SRGAP1: variants seen among roughly 807,000 people sequenced by gnomAD.
SRGAP1 encodes SLIT-ROBO Rho GTPase activating protein 1, also known as SLIT-ROBO Rho GTPase-activating protein 1.
A neutral mutation model predicts 121.9 loss-of-function variants in SRGAP1; 43 were observed. That is an observed-to-expected ratio of 0.35 (90% CI 0.28 to 0.46). The LOEUF is 0.46. Ranked by LOEUF, SRGAP1 falls within the 20% of genes least tolerant of loss-of-function variation. SRGAP1 has a pLI of 1.00. For synonymous variants in SRGAP1, 447 were observed against 485.4 expected, an observed-to-expected ratio of 0.92 and a Z score of 1.04; for missense variants, 1,102 against 1,350.9, an observed-to-expected ratio of 0.82 and a Z score of 2.89.
At chr12:64,116,172 G>C (rs2036518038) in intron 18 of SRGAP1, among the ~76,000 whole-genome samples, 1 of 148,392 alleles carries the variant, frequency 6.7e-6, no homozygotes, top group African/African-American at 2.5e-5. Flanking sequence ...TGGGAGGATT[G>C]CATGAGCCCA....
intron 1 of SRGAP1, among the ~76,000 whole-genome samples, chr12:63,973,361 C>T (rs769948303): frequency 2.8e-4 from 42 of 152,100 alleles, no homozygotes; most frequent in Non-Finnish European, 5.6e-4. Flanking sequence ...AAGTTTGCAT[C>T]GTAGTCTCTG....
chr12:63,858,085 TTTC>T (rs1899315038), intron 1 of SRGAP1, among the ~76,000 whole-genome samples: 1 of 152,168 alleles, frequency 6.6e-6, no homozygotes, highest in Non-Finnish European at 1.5e-5. Context: ...TATTATGTTT[TTTC>T]TTCTTTACTC....
chr12:64,079,755 G>A (rs997514836), intron 9 of SRGAP1, among the ~76,000 whole-genome samples: 2 of 152,106 alleles, frequency 1.3e-5, no homozygotes, highest in South Asian at 2.1e-4. Context: ...GCTGGTGAAA[G>A]TGCCAGTTCT....
At chr12:64,075,670 C>G (rs1228174056) in intron 8 of SRGAP1, among the ~76,000 whole-genome samples, 1 of 152,140 alleles carries the variant, frequency 6.6e-6, no homozygotes, top group Non-Finnish European at 1.5e-5. Context: ...GATGGTGACT[C>G]TTTTAATTCA....
rs151128405 is a variant in SRGAP1 at position 63,900,192 on chromosome 12, C to A, written c.67+55309C>A. 8.5e-3 allele frequency among the ~76,000 whole-genome samples: 335 copies of A among 39,288 alleles called. 1 individual carries two copies. The highest frequency in any genetic ancestry group is 0.031 in the African/African-American group (325 of 10,558). 25.8% of individuals were successfully genotyped at this position (39,288 alleles called of 152,430 possible). On this transcript the variant is annotated intron_variant, in intron 1 of 21. Coordinates refer to ENST00000355086, the MANE Select transcript of SRGAP1 (RefSeq NM_020762.4). The stretch of plus-strand genomic sequence containing the variant: ...CGTTTGCCCTTGCTTTTTTCTTTTT[C>A]TTTTTCTTTTTCTTTTTTTTTTTTT...
chr12:63,945,982 A>AT (rs1270449000), intron 1 of SRGAP1, among the ~76,000 whole-genome samples: 42 of 149,882 alleles, frequency 2.8e-4, no homozygotes, highest in African/African-American at 9.9e-4. Context: ...ATACCTTCCT[A>AT]CCTGGTTCAC....
intron 21 of SRGAP1, among the ~76,000 whole-genome samples, chr12:64,138,855 A>G (rs1389194972): frequency 2.0e-5 from 3 of 152,192 alleles, no homozygotes; most frequent in African/African-American, 7.2e-5. Flanking sequence ...TAATTGAGTT[A>G]ACTCAAATTC....
At chr12:63,924,736 T>C (rs2031193307) in intron 1 of SRGAP1, among the ~76,000 whole-genome samples, 2 of 152,158 alleles carry the variant, frequency 1.3e-5, no homozygotes, top group South Asian at 4.1e-4. Context: ...GGGATCATTC[T>C]CTCAGGGGTT....
intron 1 of SRGAP1, among the ~76,000 whole-genome samples, chr12:63,935,755 C>G (rs1441429669): frequency 2.0e-5 from 3 of 152,174 alleles, no homozygotes; most frequent in Admixed American, 1.3e-4. Flanking sequence ...TCTTCCTAAT[C>G]CTCCAAAGAA....
intron 6 of SRGAP1, among the ~76,000 whole-genome samples, chr12:64,044,476 T>C (rs1420427649): frequency 1.3e-5 from 2 of 152,124 alleles, no homozygotes; most frequent in African/African-American, 4.8e-5. Context: ...TCAACAGTTT[T>C]ATTATAGAAT....
At chr12:63,881,220 C>G (rs1239330818) in intron 1 of SRGAP1, among the ~76,000 whole-genome samples, 2 of 152,146 alleles carry the variant, frequency 1.3e-5, no homozygotes, top group African/African-American at 4.8e-5. Context: ...TGGAATCTAT[C>G]AAAGTACTTG....
At chr12:64,118,322 T>G (rs1347429473) in intron 18 of SRGAP1, among the ~76,000 whole-genome samples, 1 of 152,160 alleles carries the variant, frequency 6.6e-6, no homozygotes, top group Non-Finnish European at 1.5e-5. Context: ...CAGGCTGGAG[T>G]GCAGTGGCAT....
chr12:63,941,676 G>GAAA lies in SRGAP1; in HGVS notation c.68-42258_68-42256dup, dbSNP rs543399375. 5.1e-5 allele frequency among the ~76,000 whole-genome samples: 6 copies of GAAA among 117,582 alleles called. No individual in the cohort carries two copies. In the East Asian group the frequency reaches 1.8e-3, roughly 35 times the overall value. 77.1% of individuals were successfully genotyped at this position (117,582 alleles called of 152,430 possible). A position where few individuals can be genotyped will look rare whatever the true frequency, so the allele number is the denominator to read the frequency against. On this transcript the variant is annotated intron_variant, in intron 1 of 21. Transcript: ENST00000355086. ...GCTCCTCCTCCTAACATGCCAGTTAGAAAAAAAAAAAAAAAGGACTTGATC... is the reference window on the plus strand; with the variant it reads ...GCTCCTCCTCCTAACATGCCAGTTAGAAAAAAAAAAAAAAAAAAGGACTTGATC...
intron 1 of SRGAP1, among the ~76,000 whole-genome samples, chr12:63,949,383 G>A (rs2032206820): frequency 7.2e-6 from 1 of 138,376 alleles, no homozygotes; most frequent in African/African-American, 2.7e-5. Flanking sequence ...TCTTGGATCA[G>A]ACATTTTTAT....
chr12:64,149,239 C>A lies in SRGAP1; in HGVS notation c.*6567C>A. Reference sequence around the variant, plus strand: ...GAATAATGTTGAACTAACCTGTTGACCGGAAGGCCTACTCAAAGGCAAGGA... The same window carrying A: ...GAATAATGTTGAACTAACCTGTTGAACGGAAGGCCTACTCAAAGGCAAGGA... On this transcript the variant is annotated 3_prime_UTR_variant, in exon 22 of 22. Coordinates refer to ENST00000355086, the MANE Select transcript of SRGAP1 (RefSeq NM_020762.4). 6.6e-6 allele frequency: 1 copy of A among 152,166 alleles called. No homozygotes were observed. Among genetic ancestry groups the A allele is most frequent in the Non-Finnish European group, 1.5e-5 (1 of 68,034 alleles). 9.4% of individuals were successfully genotyped at this position (152,166 alleles called of 1,614,324 possible). A position where few individuals can be genotyped will look rare whatever the true frequency, so the allele number is the denominator to read the frequency against.
intron 1 of SRGAP1, among the ~76,000 whole-genome samples, chr12:63,867,101 T>C (rs1011148002): frequency 1.3e-5 from 2 of 152,222 alleles, no homozygotes; most frequent in African/African-American, 4.8e-5. Flanking sequence ...TCCTCTTACC[T>C]TGGCCTTCCA....
intron 1 of SRGAP1, among the ~76,000 whole-genome samples, chr12:63,863,739 T>C (rs1005196274): frequency 1.3e-5 from 2 of 152,236 alleles, no homozygotes; most frequent in African/African-American, 4.8e-5. Flanking sequence ...ATAAAAACTT[T>C]AAACAAATTA....
intron 1 of SRGAP1, among the ~76,000 whole-genome samples, chr12:63,884,332 C>T (rs1900299231): frequency 6.6e-6 from 1 of 152,058 alleles, no homozygotes; most frequent in Admixed American, 6.6e-5. Flanking sequence ...GTCTACATGT[C>T]ATAGTGGAAT....
rs1408265878 is a variant in SRGAP1 at position 63,949,189 on chromosome 12, T to A, written c.68-34758T>A. ...ATATATATTTTTTCCATATATATTT[T>A]TTTTTCCATATATATATATATTTTT... On this transcript the variant is annotated intron_variant, in intron 1 of 21. Coordinates refer to ENST00000355086, the MANE Select transcript of SRGAP1 (RefSeq NM_020762.4). 1.2e-4 allele frequency among the ~76,000 whole-genome samples: 16 copies of A among 134,644 alleles called. 1 individual carries two copies. The highest frequency in any genetic ancestry group is 2.2e-4 in the African/African-American group (8 of 36,300). 88.3% of individuals were successfully genotyped at this position (134,644 alleles called of 152,430 possible).
Sources: allele counts gnomAD v4.1 joint callset (sites outside exome capture counted in the v4.1 genomes callset), GRCh38; gene constraint gnomAD v4.1.1; transcripts MANE v1.5; gene names NCBI Gene and HGNC (gene_info 2026-07-23, HGNC 2026-07-21).